The following KHDRBS3 variants were observed in gnomAD, a reference collection of about 807,000 sequenced individuals.
KHDRBS3 encodes KH domain-containing, RNA-binding, signal transduction-associated protein 3.
In KHDRBS3, 23 loss-of-function variants were observed where a neutral mutation model predicts 45.6. The ratio of observed to expected loss-of-function variants is 0.50; its 90% confidence interval spans 0.36 to 0.72. KHDRBS3 has a LOEUF of 0.72. Ranked by LOEUF, KHDRBS3 falls within the 30% of genes least tolerant of loss-of-function variation. The probability of loss-of-function intolerance (pLI) is 0.00; values close to 1 mark genes in which losing one functional copy is unlikely to be tolerated. For synonymous variants in KHDRBS3, 162 were observed against 156.5 expected (o/e 1.04, Z -0.26); for missense variants, 352 against 424.8 (o/e 0.83, Z 1.51).
chr8:135,590,887 A>G (rs143396512), intron 6 of KHDRBS3, among the ~76,000 whole-genome samples: 2 of 152,296 alleles, frequency 1.3e-5, no homozygotes, highest in African/African-American at 2.4e-5. Flanking sequence ...TGATATCTCA[A>G]TGTTGTGTAA....
chr8:135,603,511 A>T lies in KHDRBS3; in HGVS notation c.808-3444A>T, dbSNP rs566323193. 5.9e-5 allele frequency among the ~76,000 whole-genome samples: 9 copies of T among 152,344 alleles called. No homozygotes were observed. The South Asian group carries it at 1.9e-3, about 32-fold the overall frequency. On this transcript the variant is annotated intron_variant, in intron 6 of 8. Transcript: ENST00000355849. The stretch of plus-strand genomic sequence containing the variant: ...TCTGCCTTCAGCTACTATGAAGAAC[A>T]CTGTGGCTTGCAAATTGTGTTATAG...
intron 2 of KHDRBS3, among the ~76,000 whole-genome samples, chr8:135,531,560 A>G (rs1825479295): frequency 6.6e-6 from 1 of 152,172 alleles, no homozygotes; most frequent in Non-Finnish European, 1.5e-5. Flanking sequence ...CTTGCTCTCA[A>G]ATAATTCATA....
intron 1 of KHDRBS3, among the ~76,000 whole-genome samples, chr8:135,475,366 A>G (rs570463318): frequency 3.4e-4 from 51 of 152,024 alleles, no homozygotes; most frequent in Admixed American, 1.0e-3. Context: ...GCTGGAATGA[A>G]GTGGTGTAGA....
chr8:135,481,362 A>G (rs1044616301), intron 1 of KHDRBS3, among the ~76,000 whole-genome samples: 2 of 150,846 alleles, frequency 1.3e-5, no homozygotes, highest in East Asian at 2.0e-4. Context: ...GTTATCACCT[A>G]CAGGAAACTG....
At chr8:135,509,169 A>T (rs958153225) in intron 1 of KHDRBS3, among the ~76,000 whole-genome samples, 2 of 152,212 alleles carry the variant, frequency 1.3e-5, no homozygotes, top group African/African-American at 4.8e-5. Context: ...AATACAATTG[A>T]CTATCCCAAT....
intron 7 of KHDRBS3, among the ~76,000 whole-genome samples, chr8:135,612,983 TC>T (rs1829767994): frequency 6.6e-6 from 1 of 151,842 alleles, no homozygotes; most frequent in Non-Finnish European, 1.5e-5. Flanking sequence ...TACAGTGTCT[TC>T]TCATAGACAG....
At chr8:135,651,119 G>GC (rs1831419688), downstream of KHDRBS3, among the ~76,000 whole-genome samples, 1 of 152,002 alleles carries the variant, frequency 6.6e-6, no homozygotes, top group Admixed American at 6.6e-5. Flanking sequence ...AGCAGAAGGG[G>GC]CCCATGGAGA....
intron 6 of KHDRBS3, among the ~76,000 whole-genome samples, chr8:135,598,388 C>T (rs923205265): frequency 2.6e-5 from 4 of 152,096 alleles, no homozygotes; most frequent in Admixed American, 1.3e-4. Context: ...TACCATTTTG[C>T]AAATTTTAAA....
At chr8:135,525,632 CAG>C (rs1486645931) in intron 2 of KHDRBS3, among the ~76,000 whole-genome samples, 19 of 152,106 alleles carry the variant, frequency 1.2e-4, no homozygotes, top group African/African-American at 4.6e-4. Context: ...CTGCAGAACT[CAG>C]GGGAATATAT....
intron 1 of KHDRBS3, among the ~76,000 whole-genome samples, chr8:135,478,095 C>T (rs1822385063): frequency 6.6e-6 from 1 of 152,156 alleles, no homozygotes; most frequent in Non-Finnish European, 1.5e-5. Context: ...TCCCCTTGCA[C>T]TCCTGTCTAT....
At chr8:135,561,508 C>A (rs867125941) in intron 5 of KHDRBS3, among the ~76,000 whole-genome samples, 1 of 151,148 alleles carries the variant, frequency 6.6e-6, no homozygotes, top group East Asian at 2.0e-4. Flanking sequence ...CTTGGTCCTT[C>A]CCTTGTGTTT....
At chr8:135,520,625 T>G (rs1824857592) in intron 1 of KHDRBS3, among the ~76,000 whole-genome samples, 1 of 152,164 alleles carries the variant, frequency 6.6e-6, no homozygotes, top group South Asian at 2.1e-4. Context: ...AAGAAACACT[T>G]GCACAGAAAA....
intron 6 of KHDRBS3, among the ~76,000 whole-genome samples, chr8:135,605,973 TC>T (rs1341117870): frequency 4.6e-5 from 7 of 152,296 alleles, no homozygotes; most frequent in Admixed American, 1.3e-4. Flanking sequence ...ATCAATTTTT[TC>T]CATGGTTTCT....
intron 2 of KHDRBS3, among the ~76,000 whole-genome samples, chr8:135,529,143 C>T (rs185808363): frequency 6.6e-5 from 10 of 152,270 alleles, no homozygotes; most frequent in African/African-American, 2.4e-4. Flanking sequence ...AACTGGTTGG[C>T]GCATAATGGC....
chr8:135,645,024 G>A, intron 7 of KHDRBS3, 35 bp from the exon 8 acceptor site: 1 of 1,606,668 alleles, frequency 6.2e-7, no homozygotes, highest in East Asian at 2.2e-5. Flanking sequence ...ACAGCCAGAT[G>A]ATTTTGTCCT....
At chr8:135,656,395 A>G (rs563255779) in exon 5 of KHDRBS3, 21 of 152,282 alleles carry the variant, frequency 1.4e-4, no homozygotes, top group African/African-American at 4.8e-4. Flanking sequence ...AATTTGGAGA[A>G]CCTACTTTTT....
At chr8:135,493,222 T>C (rs1334753854) in intron 1 of KHDRBS3, among the ~76,000 whole-genome samples, 2 of 151,884 alleles carry the variant, frequency 1.3e-5, no homozygotes, top group African/African-American at 2.4e-5. Flanking sequence ...GGACAGTGGG[T>C]TTGTTGTAGA....
chr8:135,633,923 G>GT (rs1830707353), intron 7 of KHDRBS3, among the ~76,000 whole-genome samples: 1 of 152,190 alleles, frequency 6.6e-6, no homozygotes, highest in African/African-American at 2.4e-5. Flanking sequence ...CACTCTTGGT[G>GT]TTGTAGATTC....
intron 7 of KHDRBS3, among the ~76,000 whole-genome samples, chr8:135,632,020 C>T (rs1434563983): frequency 6.6e-6 from 1 of 152,176 alleles, no homozygotes; most frequent in Admixed American, 6.6e-5. Context: ...TATGGTCTGG[C>T]ATTGAATGAA....
Sources: gnomAD v4.1 joint callset for allele counts (sites outside exome capture counted in the v4.1 genomes callset) on GRCh38, gnomAD v4.1.1 for gene constraint, MANE v1.5 for transcripts, NCBI Gene and HGNC (gene_info 2026-07-23, HGNC 2026-07-21) for gene names.